Variants in ADGRB3 observed in about 807,000 individuals in gnomAD.
ADGRB3 encodes adhesion G protein-coupled receptor B3.
ADGRB3 carries 37 observed loss-of-function variants against 193.4 expected under a neutral mutation model. That is an observed-to-expected ratio of 0.19 (90% CI 0.15 to 0.25). ADGRB3 has a LOEUF of 0.25. Among genes scored for constraint, ADGRB3 ranks in the 10% least tolerant of loss-of-function variants. ADGRB3 has a pLI of 1.00. For synonymous variants in ADGRB3, 690 were observed against 644.2 expected, an observed-to-expected ratio of 1.07 and a Z score of -1.08; for missense variants, 1,637 against 1,852.9, an observed-to-expected ratio of 0.88 and a Z score of 2.14.
intron 12 of ADGRB3, among the ~76,000 whole-genome samples, chr6:69,017,773 T>C (rs956677618): frequency 6.6e-6 from 1 of 151,930 alleles, no homozygotes; most frequent in Admixed American, 6.6e-5. Flanking sequence ...CTTGAGGTCT[T>C]GCTTCTTCTT....
chr6:68,845,912 A>G lies in ADGRB3; in HGVS notation c.758-84647A>G, dbSNP rs1042222038. On this transcript the variant is annotated intron_variant, in intron 3 of 31. Transcript: ENST00000370598. ...AACTGGGTAACAGGAAGAGGTTGGAATGATTTCGAGGGCTCAGAAGAAGAC... is the reference window on the plus strand; with the variant it reads ...AACTGGGTAACAGGAAGAGGTTGGAGTGATTTCGAGGGCTCAGAAGAAGAC... Among the ~76,000 whole-genome samples, 6 of 152,292 alleles carry G rather than the reference A, an allele frequency of 3.9e-5. No individual in the cohort carries two copies. In the South Asian group the frequency reaches 1.2e-3, roughly 32 times the overall value.
chr6:69,160,384 C>G (rs1386929045), intron 17 of ADGRB3, among the ~76,000 whole-genome samples: 2 of 152,080 alleles, frequency 1.3e-5, no homozygotes, highest in African/African-American at 4.8e-5. Flanking sequence ...GGATATTCCT[C>G]CGATATGGCA....
chr6:68,658,741 C>G (rs922071385), intron 3 of ADGRB3, among the ~76,000 whole-genome samples: 1 of 151,076 alleles, frequency 6.6e-6, no homozygotes, highest in Non-Finnish European at 1.5e-5. Context: ...TCTTAGGTTA[C>G]AGGGGCATAG....
chr6:69,327,609 C>T (rs1344502333), intron 21 of ADGRB3, among the ~76,000 whole-genome samples: 7 of 152,136 alleles, frequency 4.6e-5, no homozygotes, highest in Admixed American at 3.9e-4. Flanking sequence ...CCTAGCAACA[C>T]CAGAGAAGTG....
intron 17 of ADGRB3, among the ~76,000 whole-genome samples, chr6:69,085,770 C>A (rs1772531750): frequency 6.6e-6 from 1 of 151,698 alleles, no homozygotes; most frequent in Non-Finnish European, 1.5e-5. Flanking sequence ...TATTAACAAG[C>A]AATCTATTAT....
chr6:68,708,348 A>C (rs2127314364), intron 3 of ADGRB3, among the ~76,000 whole-genome samples: 1 of 152,340 alleles, frequency 6.6e-6, no homozygotes, highest in African/African-American at 2.4e-5. Context: ...AAGAAATTAA[A>C]GCATTTCTAA....
chr6:69,007,685 TCTCTCTCTCA>T (rs746512528), intron 11 of ADGRB3, among the ~76,000 whole-genome samples: 4 of 78,626 alleles, frequency 5.1e-5, no homozygotes, highest in African/African-American at 1.5e-4. Flanking sequence ...TCTCTCTCTC[TCTCTCTCTCA>T]CACACACACA....
At chr6:68,717,093 C>A (rs969276606) in intron 3 of ADGRB3, among the ~76,000 whole-genome samples, 9 of 151,718 alleles carry the variant, frequency 5.9e-5, no homozygotes, top group African/African-American at 2.2e-4. Context: ...CCCTCTCTTT[C>A]AAAAAGTACC....
At chr6:69,242,003 A>G (rs1766394323) in intron 20 of ADGRB3, among the ~76,000 whole-genome samples, 1 of 151,876 alleles carries the variant, frequency 6.6e-6, no homozygotes, top group East Asian at 1.9e-4. Context: ...AAAACACTGG[A>G]ATTTTATTCT....
At chr6:69,337,682 C>A (rs1447390111) in intron 24 of ADGRB3, among the ~76,000 whole-genome samples, 1 of 152,216 alleles carries the variant, frequency 6.6e-6, no homozygotes, top group Non-Finnish European at 1.5e-5. Flanking sequence ...CACCCCCACA[C>A]TCATGTCTGA....
intron 11 of ADGRB3, 44 bp from the exon 12 acceptor site, chr6:69,013,994 T>A: frequency 7.5e-7 from 1 of 1,341,862 alleles, no homozygotes; most frequent in Non-Finnish European, 1.0e-6. Context: ...AAAAGTATAA[T>A]TCTCTCATGT....
At chr6:69,041,865 T>G (rs966201641) in intron 13 of ADGRB3, among the ~76,000 whole-genome samples, 3 of 152,206 alleles carry the variant, frequency 2.0e-5, no homozygotes, top group African/African-American at 7.2e-5. Context: ...ATGTGAGGAT[T>G]ACAGATGTGA....
chr6:69,300,908 A>G (rs948759198), intron 20 of ADGRB3, among the ~76,000 whole-genome samples: 2 of 151,814 alleles, frequency 1.3e-5, no homozygotes, highest in East Asian at 3.9e-4. Context: ...TGAGAAGGAC[A>G]TTCTTGGTTT....
intron 3 of ADGRB3, among the ~76,000 whole-genome samples, chr6:68,707,828 A>G (rs1161818228): frequency 6.6e-6 from 1 of 152,144 alleles, no homozygotes; most frequent in East Asian, 1.9e-4. Context: ...CAGAGACTCA[A>G]GAGGGAAGGC....
intron 21 of ADGRB3, among the ~76,000 whole-genome samples, 198 bp downstream of exon 21, chr6:69,325,220 T>G (rs902882467): frequency 6.6e-6 from 1 of 152,036 alleles, no homozygotes; most frequent in Non-Finnish European, 1.5e-5. Context: ...GAATGCTCAT[T>G]TAGCTAGTCA....
At position 68,639,148 on chromosome 6, in the gene ADGRB3, T is replaced by G; in HGVS notation, c.473T>G (p.Leu158Trp). The G allele has an allele frequency of 6.2e-7, 1 of 1,614,146 alleles. No individual in the cohort carries two copies. ...DQKSFFEFLVLNKVSPSQFGC... is the reference protein window; with the variant it reads ...DQKSFFEFLVWNKVSPSQFGC... ...AAATCTTTTTTTGAGTTTTTGGTAT[T>G]GAACAAGGTCAGCCCAAGCCAGTTT... is the stretch of plus-strand genomic sequence containing the variant. The change falls in exon 3 of 32, where the codon TTG becomes TGG. Residue 158 changes from leucine (L) to tryptophan (W), a missense_variant. This residue lies in a region of ADGRB3 where 365 missense variants were observed against 409.8 expected (regional missense o/e 0.89). Coordinates refer to ENST00000370598, the MANE Select transcript of ADGRB3 (RefSeq NM_001704.3).
At chr6:68,878,210 T>C (rs1765643605) in intron 3 of ADGRB3, among the ~76,000 whole-genome samples, 1 of 152,102 alleles carries the variant, frequency 6.6e-6, no homozygotes, top group Admixed American at 6.5e-5. Context: ...AATGTTCCAA[T>C]ATTTTTATCC....
Position 69,069,076 on chromosome 6 carries a change from G to A in ADGRB3, c.2436+6040G>A, listed in dbSNP as rs186007804. ...CTCAATGTGTCTTTTAAGGCTTTAG[G>A]TACACAGCAGCTGTCCCTTAAAAAC... On this transcript the variant is annotated intron_variant, in intron 16 of 31. Transcript: ENST00000370598. Among the ~76,000 whole-genome samples the A allele has an allele frequency of 1.2e-3, 182 of 152,070 alleles. 1 individual carries two copies. The highest frequency in any genetic ancestry group is 4.3e-3 in the African/African-American group (179 of 41,498).
At chr6:68,738,270 G>GGA (rs1413338342) in intron 3 of ADGRB3, among the ~76,000 whole-genome samples, 7 of 152,244 alleles carry the variant, frequency 4.6e-5, no homozygotes, top group South Asian at 4.2e-4. Context: ...TCAGTGGTGA[G>GGA]GAGAGAGAGA....
Sources: gnomAD v4.1 joint callset for allele counts (sites outside exome capture counted in the v4.1 genomes callset) on GRCh38, gnomAD v4.1.1 for gene constraint, gnomAD v4.1.1 regional missense constraint, MANE v1.5 for transcripts, NCBI Gene and HGNC (gene_info 2026-07-23, HGNC 2026-07-21) for gene names.